The following MAP7 variants were observed in gnomAD, a reference collection of about 807,000 sequenced individuals.
MAP7 encodes microtubule associated protein 7.
A neutral mutation model predicts 94.8 loss-of-function variants in MAP7; 52 were observed. The ratio of observed to expected loss-of-function variants is 0.55; its 90% CI spans 0.44 to 0.69. The LOEUF is 0.69. Ranked by LOEUF, MAP7 falls within the 30% of genes least tolerant of loss-of-function variation. MAP7 has a pLI of 0.00. For missense variants in MAP7, 940 were observed against 964.6 expected (o/e 0.97, Z 0.34); for synonymous variants, 350 against 357.0 (o/e 0.98, Z 0.22).
Position 136,430,827 on chromosome 6 carries a change from T to C in MAP7, c.68-9028A>G, listed in dbSNP as rs142980708. ...CAACTGTTTACGTCTCATCTCTTTTTCTTTCTTAGAGCAGTTTTAGGCTTA... is the reference window on the plus strand; with the variant it reads ...CAACTGTTTACGTCTCATCTCTTTTCCTTTCTTAGAGCAGTTTTAGGCTTA... On this transcript the variant is annotated intron_variant, in intron 1 of 17. Coordinates refer to ENST00000354570, the MANE Select transcript of MAP7 (RefSeq NM_003980.6). 3.7e-3 allele frequency among the ~76,000 whole-genome samples: 564 copies of C among 152,336 alleles called. 7 individuals are homozygous for C. Among genetic ancestry groups the C allele is most frequent in the African/African-American group, 0.013 (538 of 41,578 alleles).
chr6:136,408,013 T>C (rs1352138794), intron 3 of MAP7, among the ~76,000 whole-genome samples: 1 of 152,160 alleles, frequency 6.6e-6, no homozygotes, highest in East Asian at 1.9e-4. Context: ...GGCAGGCATC[T>C]ACTGCCTTCC....
intron 1 of MAP7, among the ~76,000 whole-genome samples, chr6:136,546,025 T>G (rs919933825): frequency 1.9e-4 from 29 of 152,190 alleles, no homozygotes; most frequent in Non-Finnish European, 3.5e-4. Context: ...TAACTTTTTG[T>G]TTTTTGAGAC....
chr6:136,410,058 G>A (rs560242591), intron 3 of MAP7, among the ~76,000 whole-genome samples: 2 of 152,208 alleles, frequency 1.3e-5, no homozygotes, highest in African/African-American at 4.8e-5. Context: ...CAGCATATTC[G>A]TGCTTTCCAC....
At chr6:136,422,072 A>T (rs1332151409) in intron 1 of MAP7, among the ~76,000 whole-genome samples, 1 of 152,254 alleles carries the variant, frequency 6.6e-6, no homozygotes, top group Non-Finnish European at 1.5e-5. Flanking sequence ...CAGTTTACAC[A>T]TAAAGCAACC....
intron 1 of MAP7, among the ~76,000 whole-genome samples, chr6:136,498,394 T>C (rs1225379127): frequency 1.3e-5 from 2 of 151,992 alleles, no homozygotes; most frequent in African/African-American, 2.4e-5. Flanking sequence ...GCCCGATTCA[T>C]GGATAGGAAG....
chr6:136,347,130 T>C (rs1015830413), intron 16 of MAP7, among the ~76,000 whole-genome samples: 3 of 152,270 alleles, frequency 2.0e-5, no homozygotes, highest in Admixed American at 1.3e-4. Context: ...ATTATTATGC[T>C]TTACAATGTA....
chr6:136,498,520 T>A (rs1818940389), intron 1 of MAP7, among the ~76,000 whole-genome samples: 1 of 152,040 alleles, frequency 6.6e-6, no homozygotes, highest in African/African-American at 2.4e-5. Flanking sequence ...TCTCTGTGAG[T>A]TGAGACTCAG....
chr6:136,524,575 G>A (rs1393527288), intron 1 of MAP7, among the ~76,000 whole-genome samples: 3 of 152,170 alleles, frequency 2.0e-5, no homozygotes, highest in Non-Finnish European at 4.4e-5. Flanking sequence ...TTCTCAGACA[G>A]GAGCCAGGTC....
At chr6:136,533,165 G>A (rs987966872) in intron 1 of MAP7, among the ~76,000 whole-genome samples, 4 of 152,126 alleles carry the variant, frequency 2.6e-5, no homozygotes, top group African/African-American at 4.8e-5. Flanking sequence ...TCAGCTACTC[G>A]GGAGGCTGAG....
At chr6:136,490,624 A>G (rs1816276608) in intron 1 of MAP7, among the ~76,000 whole-genome samples, 1 of 152,224 alleles carries the variant, frequency 6.6e-6, no homozygotes, top group Non-Finnish European at 1.5e-5. Context: ...CAAAGCAAAA[A>G]TGGGATCCCT....
At chr6:136,413,186 T>C (rs1161315439) in intron 2 of MAP7, among the ~76,000 whole-genome samples, 2 of 150,644 alleles carry the variant, frequency 1.3e-5, no homozygotes, top group East Asian at 4.0e-4. Flanking sequence ...AGAATTGACA[T>C]TGACATTTTT....
At chr6:136,543,648 C>T (rs570016963) in intron 1 of MAP7, among the ~76,000 whole-genome samples, 10 of 151,584 alleles carry the variant, frequency 6.6e-5, no homozygotes, top group Non-Finnish European at 1.3e-4. Flanking sequence ...AGTAAAACTC[C>T]GTCTCACAAA....
intron 3 of MAP7, among the ~76,000 whole-genome samples, chr6:136,406,045 C>A (rs981513185): frequency 4.6e-5 from 7 of 152,164 alleles, no homozygotes; most frequent in African/African-American, 1.7e-4. Context: ...CATAAAATCA[C>A]ACAAAATAGC....
chr6:136,343,060 CCTT>C lies in MAP7; in HGVS notation c.*1165_*1167del, dbSNP rs1786866092. 6.6e-6 allele frequency: 1 copy of C among 152,616 alleles called. No individual in the cohort carries two copies. The highest frequency in any genetic ancestry group is 2.4e-5 in the African/African-American group (1 of 41,454). The allele number at this position is 152,616 out of a possible 1,614,324, so 9.5% of individuals were successfully genotyped here. On this transcript the variant is annotated 3_prime_UTR_variant, in exon 18 of 18. Coordinates refer to ENST00000354570, the MANE Select transcript of MAP7 (RefSeq NM_003980.6). The stretch of plus-strand genomic sequence containing the variant: ...CCACATAAAAACATGTGCACCCTCT[CCTT>C]CTACATTTAATCATTAGTAGTCTCT...
At position 136,450,695 on chromosome 6, in the gene MAP7, A is replaced by T. The variant is rs57124438; in HGVS notation, c.68-28896T>A. On this transcript the variant is annotated intron_variant, in intron 1 of 17. Coordinates refer to ENST00000354570, the MANE Select transcript of MAP7 (RefSeq NM_003980.6). ...GCTACTCGGAAGGCTGAGGCGGGAGAACTGCCTGAACCCGGGAGGCAGAGG... is the reference window on the plus strand; with the variant it reads ...GCTACTCGGAAGGCTGAGGCGGGAGTACTGCCTGAACCCGGGAGGCAGAGG... Among the ~76,000 whole-genome samples the T allele has an allele frequency of 8.1e-3, 1,233 of 151,938 alleles. 6 individuals are homozygous for T. Among genetic ancestry groups the T allele is most frequent in the East Asian group, 0.039 (203 of 5,168 alleles).
rs76348621 is a variant in MAP7, at chr6:136,512,836, C to CTT, written c.67+37504_67+37505dup. 1.0e-4 allele frequency among the ~76,000 whole-genome samples: 14 copies of CTT among 136,852 alleles called. No individual in the cohort carries two copies. The East Asian group carries it at 2.4e-3, about 24-fold the overall frequency. 89.8% of individuals were successfully genotyped at this position (136,852 alleles called of 152,430 possible). On this transcript the variant is annotated intron_variant, in intron 1 of 17. Coordinates refer to ENST00000354570, the MANE Select transcript of MAP7 (RefSeq NM_003980.6). ...CTGGGGTGCTGCGGCAATTTCTTCC[C>CTT]TTTTTTTTTTTTTTTGAAAGGGTCT... is the stretch of plus-strand genomic sequence containing the variant.
At chr6:136,422,636 C>T (rs1048001388) in intron 1 of MAP7, among the ~76,000 whole-genome samples, 3 of 152,102 alleles carry the variant, frequency 2.0e-5, no homozygotes, top group African/African-American at 7.2e-5. Flanking sequence ...TTTCTGTGCT[C>T]ATATAAAATT....
chr6:136,381,605 T>C (rs1777751317), intron 6 of MAP7, among the ~76,000 whole-genome samples: 1 of 152,100 alleles, frequency 6.6e-6, no homozygotes, highest in Non-Finnish European at 1.5e-5. Context: ...AAAAATTCCT[T>C]CCTAGACAAT....
At chr6:136,417,674 A>T (rs1789934275) in intron 2 of MAP7, among the ~76,000 whole-genome samples, 1 of 152,196 alleles carries the variant, frequency 6.6e-6, no homozygotes, top group African/African-American at 2.4e-5. Context: ...TGACTAATGA[A>T]GACAGCACGG....
Sources: gnomAD v4.1 joint callset for allele counts (sites outside exome capture counted in the v4.1 genomes callset) on GRCh38, gnomAD v4.1.1 for gene constraint, MANE v1.5 for transcripts, NCBI Gene and HGNC (gene_info 2026-07-23, HGNC 2026-07-21) for gene names.